Variants in CNOT6 observed in about 807,000 individuals in gnomAD.
The protein encoded by CNOT6 is CCR4-NOT transcription complex subunit 6.
In CNOT6, 12 loss-of-function variants were observed where a neutral mutation model predicts 61.2. The observed-to-expected ratio is 0.20, with a 90% CI of 0.13 to 0.32. CNOT6 has a LOEUF of 0.32. Ranked by LOEUF, CNOT6 falls within the 10% of genes least tolerant of loss-of-function variation. The pLI is 1.00. For missense variants in CNOT6, 405 were observed against 663.9 expected (o/e 0.61, Z 4.28); for synonymous variants, 225 against 240.6 (o/e 0.94, Z 0.60).
intron 2 of CNOT6, among the ~76,000 whole-genome samples, chr5:180,536,200 C>G (rs1159574671): frequency 6.6e-6 from 1 of 151,252 alleles, no homozygotes; most frequent in Non-Finnish European, 1.5e-5. Flanking sequence ...GGGGTTTCAC[C>G]ATGTTGGCCA....
At chr5:180,549,742 A>C (rs1223277708) in intron 2 of CNOT6, among the ~76,000 whole-genome samples, 189 bp from the exon 3 acceptor site, 1 of 152,174 alleles carries the variant, frequency 6.6e-6, no homozygotes, top group Non-Finnish European at 1.5e-5. Context: ...TAACCTGCTA[A>C]GTGAGGAGCT....
chr5:180,520,475 C>G (rs963760074), intron 1 of CNOT6, among the ~76,000 whole-genome samples: 4 of 152,034 alleles, frequency 2.6e-5, no homozygotes, highest in Admixed American at 6.5e-5. Flanking sequence ...AACCCCATCT[C>G]TACTAAAAAT....
chr5:180,564,622 A>G (rs375017015), intron 5 of CNOT6, 29 bp downstream of exon 5: 172 of 1,608,612 alleles, frequency 1.1e-4, no homozygotes, highest in Non-Finnish European at 1.4e-4. Flanking sequence ...AAACCTTTTT[A>G]TTAGGAAGAC....
intron 1 of CNOT6, among the ~76,000 whole-genome samples, chr5:180,498,004 T>C (rs1756691927): frequency 6.6e-6 from 1 of 150,842 alleles, no homozygotes; most frequent in African/African-American, 2.4e-5. Context: ...GAGCACGCCA[T>C]TGCACTCCAG....
intron 1 of CNOT6, among the ~76,000 whole-genome samples, chr5:180,527,429 TA>T (rs1196352410): frequency 6.6e-6 from 1 of 152,178 alleles, no homozygotes; most frequent in Admixed American, 6.5e-5. Context: ...ATTTTTACTT[TA>T]AAAAAATTTT....
intron 1 of CNOT6, among the ~76,000 whole-genome samples, chr5:180,498,437 T>C (rs754175827): frequency 3.3e-5 from 5 of 152,154 alleles, no homozygotes; most frequent in Non-Finnish European, 7.4e-5. Flanking sequence ...GGGGGCAGTT[T>C]ACGGAAAATA....
At chr5:180,558,012 G>C (rs1412910372) in intron 4 of CNOT6, among the ~76,000 whole-genome samples, 1 of 152,208 alleles carries the variant, frequency 6.6e-6, no homozygotes, top group Admixed American at 6.5e-5. Flanking sequence ...AATCAGTTGA[G>C]CATATCTGTG....
At chr5:180,499,542 T>G (rs1756771527) in intron 1 of CNOT6, among the ~76,000 whole-genome samples, 1 of 152,232 alleles carries the variant, frequency 6.6e-6, no homozygotes, top group Non-Finnish European at 1.5e-5. Flanking sequence ...ATACAGTCAG[T>G]TCTGCTGTAA....
intron 2 of CNOT6, among the ~76,000 whole-genome samples, chr5:180,538,034 C>CTTTTT (rs57646217): frequency 2.7e-5 from 2 of 74,364 alleles, no homozygotes; most frequent in African/African-American, 4.7e-5. Flanking sequence ...GGAACATCAT[C>CTTTTT]TTTTTTTTTT....
intron 1 of CNOT6, among the ~76,000 whole-genome samples, chr5:180,505,447 C>T (rs1446814628): frequency 4.1e-5 from 6 of 145,692 alleles, no homozygotes; most frequent in African/African-American, 1.3e-4. Flanking sequence ...TTAGTAGAGA[C>T]GGGGTTTCAC....
At chr5:180,506,205 T>G (rs1176470304) in intron 1 of CNOT6, among the ~76,000 whole-genome samples, 1 of 152,188 alleles carries the variant, frequency 6.6e-6, no homozygotes, top group Non-Finnish European at 1.5e-5. Context: ...GGTCTCAGTT[T>G]CGTCTTCTAT....
chr5:180,526,204 A>G (rs1365125725), intron 1 of CNOT6, among the ~76,000 whole-genome samples: 1 of 145,812 alleles, frequency 6.9e-6, no homozygotes, highest in African/African-American at 2.5e-5. Flanking sequence ...ATTCCTGAGG[A>G]TTGTTTTTGC....
chr5:180,571,771 C>A (rs573020463), intron 11 of CNOT6, among the ~76,000 whole-genome samples: 1 of 152,204 alleles, frequency 6.6e-6, no homozygotes, highest in South Asian at 2.1e-4. Flanking sequence ...TCGCTATGCC[C>A]AGGCTGATCT....
chr5:180,540,183 T>G (rs1012692590), intron 2 of CNOT6, among the ~76,000 whole-genome samples: 1 of 152,216 alleles, frequency 6.6e-6, no homozygotes, highest in Non-Finnish European at 1.5e-5. Context: ...GCTTCCATTT[T>G]AGACTTACTG....
chr5:180,515,901 A>AT (rs111651097), intron 1 of CNOT6, among the ~76,000 whole-genome samples: 13 of 151,560 alleles, frequency 8.6e-5, no homozygotes, highest in East Asian at 7.8e-4. Flanking sequence ...CAAATTCAAG[A>AT]TTAAAAAAAA....
chr5:180,511,129 TTG>T (rs1757370373), intron 1 of CNOT6, among the ~76,000 whole-genome samples: 1 of 152,138 alleles, frequency 6.6e-6, no homozygotes, highest in African/African-American at 2.4e-5. Context: ...TGGCATATGT[TTG>T]TAATTTGATT....
intron 2 of CNOT6, among the ~76,000 whole-genome samples, chr5:180,533,287 G>A (rs1468217881): frequency 1.4e-5 from 2 of 139,330 alleles, no homozygotes; most frequent in African/African-American, 2.7e-5. Flanking sequence ...ATGGGAGTTA[G>A]GAACCAGGAA....
chr5:180,550,214 G>A (rs1759525819), intron 3 of CNOT6, 97 bp downstream of exon 3: 1 of 917,426 alleles, frequency 1.1e-6, no homozygotes, highest in East Asian at 2.6e-5. Context: ...TAGCGTTTTG[G>A]GAGGCTGCGA....
Position 180,496,416 on chromosome 5 carries a change from G to A in CNOT6, c.-3+1653G>A, listed in dbSNP as rs540425033. On this transcript the variant is annotated intron_variant, in intron 1 of 11. Transcript: ENST00000261951. ...ACCGGGTTTGTGTGCGTGTGAGAGC[G>A]CATGAGTGTGCGACCTAATCGCTAG... is the stretch of plus-strand genomic sequence containing the variant. 9.2e-5 allele frequency among the ~76,000 whole-genome samples: 14 copies of A among 152,312 alleles called. No individual in the cohort carries two copies. In the East Asian group the frequency reaches 2.3e-3, roughly 25 times the overall value.
Sources: gnomAD v4.1 joint callset for allele counts (sites outside exome capture counted in the v4.1 genomes callset) on GRCh38, gnomAD v4.1.1 for gene constraint, MANE v1.5 for transcripts, NCBI Gene and HGNC (gene_info 2026-07-23, HGNC 2026-07-21) for gene names.